Variants in PPM1B observed in about 807,000 individuals in gnomAD.
PPM1B encodes protein phosphatase, Mg2+/Mn2+ dependent 1B.
A neutral mutation model predicts 43.0 loss-of-function variants in PPM1B; 22 were observed. The ratio of observed to expected loss-of-function variants is 0.51; its 90% confidence interval spans 0.37 to 0.73. The LOEUF (loss-of-function observed/expected upper bound fraction) is 0.73. Ranked by LOEUF, PPM1B falls within the 30% of genes least tolerant of loss-of-function variation. The pLI is 0.00. For missense variants in PPM1B, 632 were observed against 584.2 expected (o/e 1.08, Z -0.84); for synonymous variants, 217 against 197.9 (o/e 1.10, Z -0.81).
In PPM1B at chr2:44,201,751, A is replaced by G; in HGVS notation, c.552A>G (p.Gly184=). The G allele has an allele frequency of 9.3e-6, 15 of 1,614,220 alleles. No individual in the cohort carries two copies. The highest frequency in any genetic ancestry group is 1.2e-5 in the Non-Finnish European group (14 of 1,180,028). The change falls in exon 2 of 6, where the codon GGA becomes GGG. Residue 184 remains glycine (G), a synonymous_variant. Transcript: ENST00000282412. The surrounding 1 kb of genome is among the most constrained non-coding windows in gnomAD (Gnocchi z 5.4). ...AAAAGGAGCGAATCCAAAATGCAGG[A>G]GGCAGCGTGATGATACAACGTGTTA... ...PREKERIQNA[G]GSVMIQRVNG...
chr2:44,236,477 A>G (rs1670617646), downstream of PPM1B, among the ~76,000 whole-genome samples: 2 of 149,434 alleles, frequency 1.3e-5, no homozygotes, highest in Admixed American at 6.8e-5. Context: ...CTGTCTTGCT[A>G]GTTGTGATTC....
downstream of PPM1B, among the ~76,000 whole-genome samples, chr2:44,245,248 G>A (rs531203290): frequency 2.6e-5 from 4 of 152,244 alleles, no homozygotes; most frequent in South Asian, 8.3e-4. Flanking sequence ...TTCAAAGATA[G>A]AGTAATACAT....
rs758825254 is a variant in PPM1B, at chr2:44,171,340, CTG to C, written c.-15+2069_-15+2070del. ...AAGGAATAGTGTAGTGTCCAAGTAA[CTG>C]TGCTTCTAAGAACAGCTGATTCACA... On this transcript the variant is annotated intron_variant, in intron 1 of 5. Transcript: ENST00000282412. Among the ~76,000 whole-genome samples, 114 of 152,296 alleles carry C rather than the reference CTG, an allele frequency of 7.5e-4. No individual in the cohort carries two copies. In the Middle Eastern group the frequency reaches 0.01, roughly 14 times the overall value.
At chr2:44,196,669 C>T (rs1668677391) in intron 1 of PPM1B, among the ~76,000 whole-genome samples, 1 of 152,214 alleles carries the variant, frequency 6.6e-6, no homozygotes, top group Non-Finnish European at 1.5e-5. Flanking sequence ...TATCCCCATT[C>T]ATTTACGTAT....
intron 1 of PPM1B, among the ~76,000 whole-genome samples, chr2:44,190,419 A>T (rs1668356212): frequency 6.6e-6 from 1 of 152,102 alleles, no homozygotes. Context: ...TCAGCCTCCC[A>T]AAGTGTTGGG....
downstream of PPM1B, among the ~76,000 whole-genome samples, chr2:44,236,402 CAAAAAAAA>C (rs61414038): frequency 0.024 from 1,127 of 47,550 alleles, 49 homozygotes; most frequent in Middle Eastern, 0.1. Context: ...GACTCCGTCT[CAAAAAAAA>C]AAAAAAAAAA....
intron 2 of PPM1B, among the ~76,000 whole-genome samples, chr2:44,205,380 T>TAA (rs1553333038): frequency 3.3e-5 from 5 of 150,522 alleles, no homozygotes; most frequent in South Asian, 2.1e-4. Flanking sequence ...TGTGTGTGTG[T>TAA]AAGTGTCTGT....
At chr2:44,174,170 G>C (rs2103992998) in intron 1 of PPM1B, among the ~76,000 whole-genome samples, 1 of 152,278 alleles carries the variant, frequency 6.6e-6, no homozygotes. Flanking sequence ...GAATGTTTAA[G>C]TATCATCAGT....
intron 1 of PPM1B, among the ~76,000 whole-genome samples, chr2:44,173,954 A>G (rs1667467645): frequency 6.6e-6 from 1 of 152,226 alleles, no homozygotes; most frequent in South Asian, 2.1e-4. Flanking sequence ...AAACAAAAAT[A>G]ATAATACTCT....
chr2:44,180,434 T>G (rs376250163), intron 1 of PPM1B, among the ~76,000 whole-genome samples: 1 of 152,168 alleles, frequency 6.6e-6, no homozygotes, highest in African/African-American at 2.4e-5. Context: ...TTTAAATGAA[T>G]CAGCAGAAAT....
intron 5 of PPM1B, among the ~76,000 whole-genome samples, chr2:44,223,768 A>G (rs936020815): frequency 2.8e-5 from 4 of 144,580 alleles, no homozygotes; most frequent in African/African-American, 5.1e-5. Context: ...GTGAGCCAAG[A>G]TTGCACCACT....
chr2:44,194,102 AT>A (rs920343167), intron 1 of PPM1B, among the ~76,000 whole-genome samples: 4 of 150,622 alleles, frequency 2.7e-5, no homozygotes, highest in Non-Finnish European at 4.4e-5. Context: ...TCTCTTAAGG[AT>A]TTTTTTTTCC....
At chr2:44,246,434 C>G (rs1206003495), downstream of PPM1B, among the ~76,000 whole-genome samples, 1 of 152,086 alleles carries the variant, frequency 6.6e-6, no homozygotes, top group Non-Finnish European at 1.5e-5. Context: ...CTTCTTCTTT[C>G]CAGTAACTCC....
intron 1 of PPM1B, among the ~76,000 whole-genome samples, chr2:44,188,553 T>C (rs2104056792): frequency 6.6e-6 from 1 of 151,962 alleles, no homozygotes; most frequent in South Asian, 2.1e-4. Context: ...CGCGCCAGCA[T>C]GACTGGTTAA....
chr2:44,209,278 G>C lies in PPM1B; in HGVS notation c.915G>C (p.Ala305=), dbSNP rs181427259. The C allele has an allele frequency of 6.2e-7, 1 of 1,613,816 alleles. No homozygotes were observed. The highest frequency in any genetic ancestry group is 1.3e-5 in the African/African-American group (1 of 74,972). ...ATGCTCCCAAGGTCTCAGATGAAGC[G>C]GTGAAAAAAGATTCAGAGTTGGATA... The part of the protein sequence containing the change: ...FSNAPKVSDE[A]VKKDSELDKH... Residue 305 remains alanine, a synonymous_variant, in exon 3 of 6, where the codon GCG becomes GCC. Coordinates refer to ENST00000282412, the MANE Select transcript of PPM1B (RefSeq NM_002706.6).
chr2:44,173,279 C>G (rs1390409190), intron 1 of PPM1B, among the ~76,000 whole-genome samples: 1 of 152,200 alleles, frequency 6.6e-6, no homozygotes, highest in East Asian at 1.9e-4. Context: ...AAAGTGTAAT[C>G]TATATAGTGT....
intron 5 of PPM1B, 22 bp downstream of exon 5, chr2:44,218,559 A>T: frequency 6.7e-7 from 1 of 1,482,034 alleles, no homozygotes; most frequent in Non-Finnish European, 9.2e-7. Flanking sequence ...TTTATTTCAT[A>T]AGCATTTGAA....
intron 1 of PPM1B, among the ~76,000 whole-genome samples, chr2:44,183,484 G>A (rs1017631202): frequency 3.9e-5 from 6 of 152,202 alleles, no homozygotes; most frequent in Non-Finnish European, 8.8e-5. Flanking sequence ...GCTGGATACT[G>A]GGATAAGGTT....
downstream of PPM1B, among the ~76,000 whole-genome samples, chr2:44,235,736 C>A (rs1037244416): frequency 6.6e-6 from 1 of 151,212 alleles, no homozygotes; most frequent in Admixed American, 6.6e-5. Context: ...TTTCTACACA[C>A]AAAAAAATTC....
Sources: gnomAD v4.1 joint callset for allele counts (sites outside exome capture counted in the v4.1 genomes callset) on GRCh38, gnomAD v4.1.1 for gene constraint, Gnocchi (gnomAD v3.1) non-coding constraint, MANE v1.5 for transcripts, NCBI Gene and HGNC (gene_info 2026-07-23, HGNC 2026-07-21) for gene names.